Variants in CSMD1 observed in about 807,000 individuals in gnomAD.
CSMD1 encodes CUB and sushi domain-containing protein 1.
A neutral mutation model predicts 417.5 loss-of-function variants in CSMD1; 213 were observed. The observed-to-expected ratio is 0.51, with a 90% CI of 0.46 to 0.57. CSMD1 has a LOEUF of 0.57. Ranked by LOEUF, CSMD1 falls within the 20% of genes least tolerant of loss-of-function variation. The probability of loss-of-function intolerance (pLI) is 0.00; values close to 1 mark genes in which losing one functional copy is unlikely to be tolerated. For synonymous variants in CSMD1, 2,862 were observed against 1,736.8 expected (o/e 1.65, Z -16.11); for missense variants, 6,923 against 4,529.7 (o/e 1.53, Z -15.17).
chr8:4,124,999 T>G (rs1036950285), intron 3 of CSMD1, among the ~76,000 whole-genome samples: 1 of 152,104 alleles, frequency 6.6e-6, no homozygotes, highest in Admixed American at 6.5e-5. Flanking sequence ...CCTTTCACTT[T>G]CATAAATCTT....
chr8:4,574,131 C>T (rs958361218), intron 2 of CSMD1, among the ~76,000 whole-genome samples: 11 of 151,664 alleles, frequency 7.3e-5, no homozygotes, highest in Admixed American at 3.3e-4. Context: ...GGGGAGTGAA[C>T]AGTTCTGTCT....
intron 26 of CSMD1, among the ~76,000 whole-genome samples, chr8:3,273,765 G>C (rs538776021): frequency 6.8e-6 from 1 of 147,798 alleles, no homozygotes; most frequent in African/African-American, 2.5e-5. Flanking sequence ...ATTTCTGTGG[G>C]ATTGGTGGTG....
intron 3 of CSMD1, among the ~76,000 whole-genome samples, chr8:4,063,206 C>T (rs968403568): frequency 6.6e-6 from 1 of 151,978 alleles, no homozygotes; most frequent in African/African-American, 2.4e-5. Flanking sequence ...CTGATTTGAT[C>T]ATGAGACTTT....
chr8:3,264,656 C>T (rs573463818), intron 26 of CSMD1, among the ~76,000 whole-genome samples: 2 of 152,114 alleles, frequency 1.3e-5, no homozygotes, highest in African/African-American at 2.4e-5. Flanking sequence ...AAGGGAAGTA[C>T]TCATCAAAAC....
At chr8:3,964,732 G>C (rs1202505527) in intron 5 of CSMD1, among the ~76,000 whole-genome samples, 6 of 152,118 alleles carry the variant, frequency 3.9e-5, no homozygotes, top group African/African-American at 9.7e-5. Flanking sequence ...CAATGTACTT[G>C]CGTGACACAT....
intron 3 of CSMD1, among the ~76,000 whole-genome samples, chr8:4,062,746 A>G (rs374789381): frequency 6.6e-6 from 1 of 152,060 alleles, no homozygotes; most frequent in Non-Finnish European, 1.5e-5. Context: ...AAAAAAAAAA[A>G]AGGCAGGTTC....
At chr8:3,540,537 C>G (rs975915184) in intron 10 of CSMD1, among the ~76,000 whole-genome samples, 1 of 152,154 alleles carries the variant, frequency 6.6e-6, no homozygotes, top group African/African-American at 2.4e-5. Flanking sequence ...CAAATGGGAT[C>G]TAATTAAAGT....
intron 8 of CSMD1, among the ~76,000 whole-genome samples, chr8:3,602,680 A>G (rs908486791): frequency 6.6e-6 from 1 of 151,724 alleles, no homozygotes; most frequent in Non-Finnish European, 1.5e-5. Context: ...AAATAATCAC[A>G]TCTCCTATTT....
rs1158082588 is a variant in CSMD1, at chr8:4,849,504, C to G, written c.85+144828G>C. Among the ~76,000 whole-genome samples, 4 of 152,164 alleles carry G rather than the reference C, an allele frequency of 2.6e-5. No homozygotes were observed. The East Asian group carries it at 5.8e-4, about 22-fold the overall frequency. On this transcript the variant is annotated intron_variant, in intron 1 of 69. Coordinates refer to ENST00000635120, the MANE Select transcript of CSMD1 (RefSeq NM_033225.6). ...ATCTCACGTTCAATTATAACTCACT[C>G]ACCGACTCCTACAGAGCTACTTCCA...
chr8:4,031,799 G>A (rs868787839), intron 4 of CSMD1, 106 bp downstream of exon 4: 12 of 824,112 alleles, frequency 1.5e-5, no homozygotes, highest in Non-Finnish European at 2.2e-5. Context: ...GTAAGAGTCA[G>A]CTCAACATGT....
At chr8:3,647,330 G>C (rs1435914473) in intron 7 of CSMD1, among the ~76,000 whole-genome samples, 3 of 152,200 alleles carry the variant, frequency 2.0e-5, no homozygotes, top group Non-Finnish European at 4.4e-5. Context: ...GGCCAGGAGA[G>C]AGGTAAATAT....
At chr8:3,486,912 A>C (rs1243580474) in intron 11 of CSMD1, among the ~76,000 whole-genome samples, 1 of 152,174 alleles carries the variant, frequency 6.6e-6, no homozygotes, top group Non-Finnish European at 1.5e-5. Flanking sequence ...AGATCTGGCA[A>C]TGTCTGAACT....
chr8:4,040,163 G>A (rs1430178309), intron 3 of CSMD1, among the ~76,000 whole-genome samples: 4 of 152,158 alleles, frequency 2.6e-5, no homozygotes, highest in African/African-American at 7.2e-5. Flanking sequence ...TTAATGAAAT[G>A]CTAGCATAGT....
At chr8:3,895,558 T>C (rs1002205042) in intron 5 of CSMD1, among the ~76,000 whole-genome samples, 1 of 152,176 alleles carries the variant, frequency 6.6e-6, no homozygotes, top group African/African-American at 2.4e-5. Flanking sequence ...TATAAGCACA[T>C]GAAATAAGCA....
intron 2 of CSMD1, among the ~76,000 whole-genome samples, chr8:4,527,675 G>A (rs189394484): frequency 3.9e-5 from 6 of 152,244 alleles, no homozygotes; most frequent in African/African-American, 7.2e-5. Context: ...ATAGCAGAGA[G>A]TGGAACTTTA....
At chr8:3,339,888 C>T (rs985873244) in intron 23 of CSMD1, among the ~76,000 whole-genome samples, 4 of 152,176 alleles carry the variant, frequency 2.6e-5, no homozygotes, top group African/African-American at 7.2e-5. Flanking sequence ...CTGGTATGAA[C>T]ATAGACAAGT....
intron 2 of CSMD1, among the ~76,000 whole-genome samples, chr8:4,601,157 G>A (rs967482946): frequency 2.4e-4 from 36 of 152,236 alleles, no homozygotes; most frequent in African/African-American, 8.7e-4. Flanking sequence ...GTTTCTCCAT[G>A]TTGGTCAGGC....
intron 1 of CSMD1, among the ~76,000 whole-genome samples, chr8:4,803,501 C>T (rs770493450): frequency 2.4e-4 from 37 of 152,020 alleles, no homozygotes; most frequent in Admixed American, 1.3e-3. Flanking sequence ...GGAATCTGCC[C>T]GACATTCAAC....
intron 5 of CSMD1, among the ~76,000 whole-genome samples, chr8:3,914,785 T>C (rs1808703590): frequency 6.6e-6 from 1 of 152,118 alleles, no homozygotes; most frequent in Admixed American, 6.6e-5. Flanking sequence ...ACCGGTTAAT[T>C]CCTCAACAAA....
Sources: gnomAD v4.1 joint callset for allele counts (sites outside exome capture counted in the v4.1 genomes callset) on GRCh38, gnomAD v4.1.1 for gene constraint, MANE v1.5 for transcripts, NCBI Gene and HGNC (gene_info 2026-07-23, HGNC 2026-07-21) for gene names.